The following CD163L1 variants were observed in gnomAD, a reference collection of about 807,000 sequenced individuals.
The protein encoded by CD163L1 is CD163 molecule like 1.
A neutral mutation model predicts 165.4 loss-of-function variants in CD163L1; 124 were observed. That is an observed-to-expected ratio of 0.75 (90% confidence interval 0.65 to 0.87). CD163L1 has a LOEUF of 0.87. Among genes scored for constraint, CD163L1 ranks in the 40% least tolerant of loss-of-function variants. CD163L1 has a pLI of 0.00. For synonymous variants in CD163L1, 585 were observed against 662.2 expected, an observed-to-expected ratio of 0.88 and a Z score of 1.79; for missense variants, 1,525 against 1,799.9, an observed-to-expected ratio of 0.85 and a Z score of 2.76.
chr12:7,406,470 T>A (rs948993819), intron 5 of CD163L1, 62 bp downstream of exon 5: 2 of 1,512,112 alleles, frequency 1.3e-6, no homozygotes, highest in African/African-American at 2.8e-5. Flanking sequence ...TTTTCAGGGT[T>A]TGGTCCTAGT....
chr12:7,373,258 A>G (rs769336948), intron 14 of CD163L1, 62 bp downstream of exon 14: 42 of 1,409,788 alleles, frequency 3.0e-5, no homozygotes, highest in Non-Finnish European at 3.9e-5. Flanking sequence ...AAGATTTGCT[A>G]TTTATGGTAA....
intron 1 of CD163L1, 89 bp downstream of exon 1, chr12:7,444,008 A>T: frequency 7.9e-7 from 1 of 1,272,930 alleles, no homozygotes; most frequent in African/African-American, 1.5e-5. Flanking sequence ...ACCTTACTAC[A>T]TAATATTTAT....
chr12:7,406,846 C>G lies in CD163L1; in HGVS notation c.773G>C (p.Ser258Thr). 1 of 1,613,674 alleles carries G rather than the reference C, an allele frequency of 6.2e-7. No individual in the cohort carries two copies. Among genetic ancestry groups the G allele is most frequent in the Non-Finnish European group, 8.5e-7 (1 of 1,179,858 alleles). The part of the protein sequence containing the change: ...EDVTLTCYDS[S>T]DLELRLVGGT... The stretch of plus-strand genomic sequence containing the variant: ...ACCTACAAGCCTTAGTTCAAGATCA[C>G]TACTATCTGAAACAGAGATATAAAC... Residue 258 changes from serine to threonine, a missense_variant, in exon 5 of 20, where the codon AGT (serine) becomes ACT (threonine). By Grantham distance (58) the Ser-to-Thr change is moderately conservative. Transcript: ENST00000313599.
chr12:7,320,693 T>G, the CD163L1 span: 1 of 1,578,826 alleles, frequency 6.3e-7, no homozygotes, highest in African/African-American at 1.3e-5. Context: ...GAATGACCAC[T>G]TCTGACATCT....
intron 4 of CD163L1, among the ~76,000 whole-genome samples, chr12:7,421,276 T>G (rs1169752777): frequency 8.4e-6 from 1 of 119,736 alleles, no homozygotes; most frequent in Non-Finnish European, 1.6e-5. Context: ...TCCAAATGTG[T>G]GTATATATAT....
the CD163L1 span, chr12:7,320,603 C>T: frequency 1.4e-6 from 1 of 736,800 alleles, no homozygotes; most frequent in Non-Finnish European, 2.3e-6. Context: ...TTTTCTTATT[C>T]CTAGTAGTGA....
At chr12:7,442,555 A>C (rs113514468) in intron 1 of CD163L1, among the ~76,000 whole-genome samples, 1 of 152,216 alleles carries the variant, frequency 6.6e-6, no homozygotes, top group Non-Finnish European at 1.5e-5. Flanking sequence ...TGGAAAATGT[A>C]CCCAAATCAA....
the CD163L1 span, among the ~76,000 whole-genome samples, chr12:7,333,765 A>G: frequency 2.0e-5 from 3 of 152,220 alleles, no homozygotes; most frequent in Non-Finnish European, 2.9e-5. Flanking sequence ...AGAAGAAAAC[A>G]GAGAAGAATC....
At chr12:7,341,660 C>G in the CD163L1 span, among the ~76,000 whole-genome samples, 1 of 152,218 alleles carries the variant, frequency 6.6e-6, no homozygotes, top group South Asian at 2.1e-4. Flanking sequence ...TCAGGCTGTC[C>G]TCTGGAGTCA....
the CD163L1 span, among the ~76,000 whole-genome samples, chr12:7,328,100 A>T: frequency 6.6e-6 from 1 of 152,180 alleles, no homozygotes; most frequent in Non-Finnish European, 1.5e-5. Context: ...AACCCGTAAG[A>T]TGGAGCTACA....
downstream of CD163L1, among the ~76,000 whole-genome samples, chr12:7,352,646 G>A (rs1353600173): frequency 6.6e-6 from 1 of 152,126 alleles, no homozygotes; most frequent in African/African-American, 2.4e-5. Flanking sequence ...ATTATTGGCT[G>A]ATCACTAAGC....
chr12:7,416,253 C>T (rs929580984), intron 4 of CD163L1, among the ~76,000 whole-genome samples: 3 of 152,138 alleles, frequency 2.0e-5, no homozygotes, highest in Non-Finnish European at 4.4e-5. Flanking sequence ...ATATCCTTCA[C>T]CCACTTTTTG....
intron 18 of CD163L1, among the ~76,000 whole-genome samples, chr12:7,362,558 TATC>T (rs1488590971): frequency 6.3e-5 from 9 of 143,736 alleles, no homozygotes; most frequent in South Asian, 2.1e-4. Flanking sequence ...ATTATATTAA[TATC>T]ATGTAATTTA....
rs1298209149 is a variant in CD163L1 at position 7,368,135 on chromosome 12, A to G, written c.4135T>C (p.Phe1379Leu). 3.7e-6 allele frequency: 6 copies of G among 1,613,018 alleles called. No individual in the cohort carries two copies. The South Asian group carries it at 6.6e-5, about 18-fold the overall frequency. ...GLLLLVLFIL[F>L]LTWCRVQKQK... Reference sequence around the variant, plus strand: ...TTCTGAACTCGGCACCACGTGAGAAATAGAATAAACAGAACCAGGAGAAGG... The same window carrying G: ...TTCTGAACTCGGCACCACGTGAGAAGTAGAATAAACAGAACCAGGAGAAGG... Residue 1379 changes from phenylalanine (F) to leucine (L), a missense_variant, in exon 17 of 20, where the codon TTT (phenylalanine) becomes CTT (leucine). Transcript: ENST00000313599. This position sits in a 1 kb window ranked among gnomAD's most constrained non-coding sequence, Gnocchi z 4.3.
At chr12:7,396,604 C>T (rs1486093439) in intron 7 of CD163L1, among the ~76,000 whole-genome samples, 189 bp from the exon 8 acceptor site, 1 of 152,088 alleles carries the variant, frequency 6.6e-6, no homozygotes, top group Non-Finnish European at 1.5e-5. Context: ...TCCTCCATAA[C>T]GTGGGTGGGC....
intron 19 of CD163L1, among the ~76,000 whole-genome samples, chr12:7,355,567 T>A (rs1946757740): frequency 6.6e-6 from 1 of 152,170 alleles, no homozygotes; most frequent in South Asian, 2.1e-4. Flanking sequence ...TTTTTTTGTA[T>A]CATAGAATAA....
intron 4 of CD163L1, among the ~76,000 whole-genome samples, chr12:7,410,813 G>C (rs144836712): frequency 0.026 from 3,971 of 151,404 alleles, 73 homozygotes; most frequent in Non-Finnish European, 0.037. Context: ...CTAGGCGACA[G>C]AGCGAGACTC....
At chr12:7,332,235 A>C in the CD163L1 span, among the ~76,000 whole-genome samples, 1 of 152,232 alleles carries the variant, frequency 6.6e-6, no homozygotes, top group Non-Finnish European at 1.5e-5. Context: ...TTTAGAGAAA[A>C]AAGAATAAAA....
At chr12:7,419,885 A>G (rs1446386801) in intron 4 of CD163L1, among the ~76,000 whole-genome samples, 1 of 152,178 alleles carries the variant, frequency 6.6e-6, no homozygotes, top group Non-Finnish European at 1.5e-5. Flanking sequence ...TGGAACCAAA[A>G]AAGAGCATGT....
Sources: allele counts gnomAD v4.1 joint callset (sites outside exome capture counted in the v4.1 genomes callset), GRCh38; gene constraint gnomAD v4.1.1; non-coding constraint Gnocchi (gnomAD v3.1); transcripts MANE v1.5; gene names NCBI Gene and HGNC (gene_info 2026-07-23, HGNC 2026-07-21).